BRD10: variants seen among roughly 807,000 people sequenced by gnomAD.
The protein encoded by BRD10 is uncharacterized bromodomain-containing protein 10.
At chr9:5,918,483 A>G in the BRD10 span, among the ~76,000 whole-genome samples, 1 of 152,320 alleles carries the variant, frequency 6.6e-6, no homozygotes, top group Admixed American at 6.5e-5. Context: ...TGGGAGGCCA[A>G]GGTAGGTGGA....
chr9:5,911,410 T>G, the BRD10 span, among the ~76,000 whole-genome samples: 14 of 151,556 alleles, frequency 9.2e-5, no homozygotes, highest in African/African-American at 2.7e-4. Context: ...TGTGTGTTTT[T>G]TTTTTTTTTT....
chr9:5,966,750 G>A, the BRD10 span, among the ~76,000 whole-genome samples: 1 of 151,984 alleles, frequency 6.6e-6, no homozygotes, highest in African/African-American at 2.4e-5. Flanking sequence ...AAGCCACCGT[G>A]CCCAGCCTAG....
the BRD10 span, among the ~76,000 whole-genome samples, chr9:5,896,298 C>T: frequency 2.0e-5 from 3 of 152,220 alleles, no homozygotes; most frequent in Admixed American, 1.3e-4. Flanking sequence ...CAAATTGGTG[C>T]TCAATGAATG....
the BRD10 span, among the ~76,000 whole-genome samples, chr9:6,005,498 C>CA: frequency 6.6e-6 from 1 of 152,148 alleles, no homozygotes; most frequent in Non-Finnish European, 1.5e-5. Context: ...GAGGGAGACT[C>CA]AGAGAAAATA....
chr9:5,972,388 A>G, the BRD10 span, among the ~76,000 whole-genome samples: 1 of 152,320 alleles, frequency 6.6e-6, no homozygotes, highest in Non-Finnish European at 1.5e-5. Context: ...TAAAATAAAA[A>G]CAGACTTACA....
the BRD10 span, chr9:5,881,726 G>C: frequency 1.3e-5 from 2 of 151,956 alleles, no homozygotes; most frequent in African/African-American, 2.4e-5. Flanking sequence ...GTAGGGAAAG[G>C]CTGATTTCTT....
the BRD10 span, among the ~76,000 whole-genome samples, chr9:5,895,144 G>A: frequency 6.6e-6 from 1 of 152,202 alleles, no homozygotes; most frequent in African/African-American, 2.4e-5. Context: ...GTCTGTAGAA[G>A]GGTCAGATGG....
the BRD10 span, among the ~76,000 whole-genome samples, chr9:6,007,034 C>A: frequency 2.6e-5 from 4 of 152,246 alleles, no homozygotes; most frequent in African/African-American, 9.6e-5. Context: ...CCACACCCCT[C>A]CGGTCCCCGC....
the BRD10 span, among the ~76,000 whole-genome samples, chr9:5,938,518 G>A: frequency 6.6e-6 from 1 of 152,104 alleles, no homozygotes; most frequent in Non-Finnish European, 1.5e-5. Flanking sequence ...ATCTTACTCT[G>A]TAAGTGAATT....
chr9:5,991,661 G>T, the BRD10 span, among the ~76,000 whole-genome samples: 1 of 150,918 alleles, frequency 6.6e-6, no homozygotes, highest in Non-Finnish European at 1.5e-5. Context: ...GGAGGCGGAG[G>T]TTGCAGTGAG....
the BRD10 span, among the ~76,000 whole-genome samples, chr9:5,901,978 C>G: frequency 6.6e-6 from 1 of 151,842 alleles, no homozygotes; most frequent in Non-Finnish European, 1.5e-5. Flanking sequence ...GTAGTTTTCT[C>G]TTTTTGCAAT....
the BRD10 span, chr9:5,919,698 T>A: frequency 6.2e-7 from 1 of 1,609,420 alleles, no homozygotes; most frequent in Non-Finnish European, 8.5e-7. Context: ...GATGCAGCTC[T>A]GTCAGGCTTC....
the BRD10 span, among the ~76,000 whole-genome samples, chr9:5,973,894 A>C: frequency 6.6e-6 from 1 of 152,198 alleles, no homozygotes; most frequent in Non-Finnish European, 1.5e-5. Flanking sequence ...AAAAACCAAA[A>C]CAAAACAAAA....
the BRD10 span, among the ~76,000 whole-genome samples, chr9:5,946,584 A>G: frequency 1.3e-5 from 2 of 152,108 alleles, no homozygotes; most frequent in Non-Finnish European, 2.9e-5. Flanking sequence ...TTCATAGTAT[A>G]ATCTACTATT....
chr9:5,945,842 TAG>T, the BRD10 span, among the ~76,000 whole-genome samples: 3 of 152,014 alleles, frequency 2.0e-5, no homozygotes, highest in East Asian at 1.9e-4. Flanking sequence ...TACAACCGAA[TAG>T]AGAGGAAAAA....
At chr9:6,001,486 A>C in the BRD10 span, among the ~76,000 whole-genome samples, 1 of 152,238 alleles carries the variant, frequency 6.6e-6, no homozygotes, top group Non-Finnish European at 1.5e-5. Flanking sequence ...GTTCCCCTAG[A>C]CTACTCTGTA....
chr9:5,996,441 C>G, the BRD10 span, among the ~76,000 whole-genome samples: 1 of 152,094 alleles, frequency 6.6e-6, no homozygotes, highest in Non-Finnish European at 1.5e-5. Context: ...GCCTCAGTCT[C>G]CCAAGTAGCT....
chr9:5,971,850 C>G, the BRD10 span, among the ~76,000 whole-genome samples: 1 of 152,090 alleles, frequency 6.6e-6, no homozygotes, highest in African/African-American at 2.4e-5. Flanking sequence ...AGTCCCTTCC[C>G]TTCCCCTCAT....
At chr9:5,908,846 A>G in the BRD10 span, 1 of 735,660 alleles carries the variant, frequency 1.4e-6, no homozygotes, top group Admixed American at 2.6e-5. Flanking sequence ...TCAGTGTTAA[A>G]ATTTTAGTAG....
Sources: allele counts gnomAD v4.1 joint callset (sites outside exome capture counted in the v4.1 genomes callset), GRCh38; gene constraint gnomAD v4.1.1; transcripts MANE v1.5; gene names NCBI Gene and HGNC (gene_info 2026-07-23, HGNC 2026-07-21).